SPRYD7: variants seen among roughly 807,000 people sequenced by gnomAD.
SPRYD7 encodes SPRY domain containing 7.
Under a neutral mutation model 23.8 loss-of-function variants are expected in SPRYD7, and 14 were observed. That is an observed-to-expected ratio of 0.59 (90% CI 0.39 to 0.92). The LOEUF is 0.92. Ranked by LOEUF, SPRYD7 falls within the 40% of genes least tolerant of loss-of-function variation. The pLI is 0.00. For missense variants in SPRYD7, 194 were observed against 241.7 expected, an observed-to-expected ratio of 0.80 and a Z score of 1.31; for synonymous variants, 75 against 84.9, an observed-to-expected ratio of 0.88 and a Z score of 0.64.
At chr13:49,934,569 A>AG (rs1871528851) in intron 1 of SPRYD7, among the ~76,000 whole-genome samples, 2 of 151,514 alleles carry the variant, frequency 1.3e-5, no homozygotes, top group African/African-American at 2.4e-5. Flanking sequence ...AAAAAAAAAA[A>AG]AAAAAAAAGA....
At chr13:49,925,845 T>G (rs1566405104) in intron 3 of SPRYD7, among the ~76,000 whole-genome samples, 1 of 151,734 alleles carries the variant, frequency 6.6e-6, no homozygotes, top group East Asian at 1.9e-4. Context: ...AAAGTGAGCA[T>G]AAACTGTTTC....
At chr13:49,929,620 C>T (rs926701019) in intron 2 of SPRYD7, among the ~76,000 whole-genome samples, 4 of 151,988 alleles carry the variant, frequency 2.6e-5, no homozygotes, top group Admixed American at 6.6e-5. Context: ...CTCAGCCTCC[C>T]GAGTAGCTGG....
chr13:49,925,506 A>C (rs957004772), intron 3 of SPRYD7, among the ~76,000 whole-genome samples: 59 of 151,400 alleles, frequency 3.9e-4, no homozygotes, highest in Non-Finnish European at 2.7e-4. Context: ...TACTTTTCAG[A>C]ATTATATGTA....
intron 4 of SPRYD7, among the ~76,000 whole-genome samples, chr13:49,917,844 C>G (rs1260626945): frequency 6.6e-6 from 1 of 152,090 alleles, no homozygotes; most frequent in Admixed American, 6.6e-5. Context: ...ATATGCAACA[C>G]TAAATTGAGT....
At chr13:49,933,539 T>C (rs1027232700) in intron 1 of SPRYD7, among the ~76,000 whole-genome samples, 1 of 150,586 alleles carries the variant, frequency 6.6e-6, no homozygotes, top group African/African-American at 2.4e-5. Flanking sequence ...GAGGCGGAGG[T>C]TGCAGTGAGC....
intron 4 of SPRYD7, among the ~76,000 whole-genome samples, chr13:49,915,952 C>T (rs952636410): frequency 2.6e-5 from 4 of 152,172 alleles, no homozygotes; most frequent in African/African-American, 9.7e-5. Context: ...AAAGAAAAGA[C>T]CATATGATTT....
chr13:49,929,406 C>T (rs896402720), intron 2 of SPRYD7, among the ~76,000 whole-genome samples: 1 of 152,266 alleles, frequency 6.6e-6, no homozygotes, highest in Non-Finnish European at 1.5e-5. Flanking sequence ...GATTCATTTA[C>T]TCCACTCTCA....
At chr13:49,922,067 ATTTCTACATCTCTTTACTCTGGTTTC>A (rs1955827747) in intron 3 of SPRYD7, among the ~76,000 whole-genome samples, 1 of 152,058 alleles carries the variant, frequency 6.6e-6, no homozygotes, top group Admixed American at 6.6e-5. Context: ...GAAATAACAC[ATTTCTACATCTCTTTACTCTGGTTTC>A]AAATGTGTCA....
intron 3 of SPRYD7, among the ~76,000 whole-genome samples, chr13:49,925,266 C>G (rs2138227631): frequency 6.6e-6 from 1 of 151,958 alleles, no homozygotes; most frequent in Non-Finnish European, 1.5e-5. Flanking sequence ...GTGGCACGCA[C>G]TTGTAGTCCC....
Position 49,931,012 on chromosome 13 carries a change from A to C in SPRYD7, c.223+6T>G. ...ACTTTTAATAGTAAAGTACCATTAT[A>C]CCAACCTGTGGACTGGATTTTGAAT... On this transcript the variant is annotated splice_donor_region_variant and intron_variant, in intron 2 of 4. Transcript: ENST00000361840. The C allele has an allele frequency of 6.3e-7, 1 of 1,585,024 alleles. No individual in the cohort carries two copies. The highest frequency in any genetic ancestry group is 8.6e-7 in the Non-Finnish European group (1 of 1,156,970).
At chr13:49,922,483 A>T (rs1482023522) in intron 3 of SPRYD7, among the ~76,000 whole-genome samples, 1 of 152,098 alleles carries the variant, frequency 6.6e-6, no homozygotes, top group East Asian at 1.9e-4. Flanking sequence ...AAGCACAGAA[A>T]GATTAAGTAA....
intron 4 of SPRYD7, among the ~76,000 whole-genome samples, chr13:49,915,572 C>T (rs972393267): frequency 1.3e-5 from 2 of 152,164 alleles, no homozygotes; most frequent in African/African-American, 4.8e-5. Flanking sequence ...ACCCTTTGTA[C>T]ACTTTGCCCC....
At chr13:49,935,914 G>C (rs1871602296) in intron 1 of SPRYD7, among the ~76,000 whole-genome samples, 1 of 152,130 alleles carries the variant, frequency 6.6e-6, no homozygotes, top group African/African-American at 2.4e-5. Context: ...GCCCATTCGC[G>C]ATGACAGACA....
At chr13:49,921,605 T>C in intron 3 of SPRYD7, 25 bp from the exon 4 acceptor site, 2 of 1,436,680 alleles carry the variant, frequency 1.4e-6, no homozygotes, top group Non-Finnish European at 2.0e-6. Flanking sequence ...ACAGAAACGT[T>C]CCATAAAAGC....
At chr13:49,934,286 G>C (rs1871512399) in intron 1 of SPRYD7, among the ~76,000 whole-genome samples, 1 of 151,988 alleles carries the variant, frequency 6.6e-6, no homozygotes, top group African/African-American at 2.4e-5. Flanking sequence ...GGCCGGGCGT[G>C]GTGGCTCACC....
In SPRYD7 at chr13:49,936,220, A is replaced by G. The variant is rs1359617492; in HGVS notation, c.16T>C (p.Leu6=). Residue 6 remains leucine, a synonymous_variant, in exon 1 of 5, where the codon TTG becomes CTG. Coordinates refer to ENST00000361840, the MANE Select transcript of SPRYD7 (RefSeq NM_020456.4). MATSV[L]CCLRCCRDGG... is the part of the protein sequence containing the mutation. ...TCTCTGCAGCACCGCAGGCAGCACA[A>G]CACCGAGGTGGCCATCGCGCAGGGA... The G allele has an allele frequency of 1.2e-6, 2 of 1,604,566 alleles. No individual in the cohort carries two copies. The highest frequency in any genetic ancestry group is 1.1e-5 in the South Asian group (1 of 90,124).
At chr13:49,923,242 T>G (rs989695072) in intron 3 of SPRYD7, among the ~76,000 whole-genome samples, 3 of 152,014 alleles carry the variant, frequency 2.0e-5, no homozygotes, top group African/African-American at 7.2e-5. Flanking sequence ...ACAAACAAGT[T>G]TGTTTTTTGT....
At chr13:49,934,984 T>G (rs1871550286) in intron 1 of SPRYD7, among the ~76,000 whole-genome samples, 1 of 152,238 alleles carries the variant, frequency 6.6e-6, no homozygotes, top group Non-Finnish European at 1.5e-5. Context: ...CCATCGTCTA[T>G]AAATAATGAT....
intron 1 of SPRYD7, chr13:49,935,704 A>T (rs1315213732): frequency 6.5e-6 from 1 of 153,498 alleles, no homozygotes; most frequent in East Asian, 1.9e-4. Context: ...ATAGGATTCA[A>T]CCTATAAATG....
Sources: allele counts gnomAD v4.1 joint callset (sites outside exome capture counted in the v4.1 genomes callset), GRCh38; gene constraint gnomAD v4.1.1; transcripts MANE v1.5; gene names NCBI Gene and HGNC (gene_info 2026-07-23, HGNC 2026-07-21).